The following GNG7 variants were observed in gnomAD, a reference collection of about 807,000 sequenced individuals.
GNG7 encodes G protein subunit gamma 7.
A neutral mutation model predicts 4.0 loss-of-function variants in GNG7; 1 was observed. The observed-to-expected ratio is 0.25, with a 90% confidence interval of 0.09 to 1.18. The LOEUF (loss-of-function observed/expected upper bound fraction) is 1.18, where lower values mean the gene tolerates loss of function less well. Ranked by LOEUF, GNG7 falls within the 50% of genes most tolerant of loss-of-function variation. The pLI is 0.50. For synonymous variants in GNG7, 34 were observed against 36.9 expected, an observed-to-expected ratio of 0.92 and a Z score of 0.29; for missense variants, 86 against 91.9, an observed-to-expected ratio of 0.94 and a Z score of 0.26.
chr19:2,524,218 T>A (rs1402958418), intron 3 of GNG7, among the ~76,000 whole-genome samples: 1 of 152,202 alleles, frequency 6.6e-6, no homozygotes, highest in African/African-American at 2.4e-5. Context: ...CATGTGAGCA[T>A]CAGGTCCTGA....
At chr19:2,583,509 A>G (rs1325042310) in intron 2 of GNG7, among the ~76,000 whole-genome samples, 1 of 152,184 alleles carries the variant, frequency 6.6e-6, no homozygotes, top group Non-Finnish European at 1.5e-5. Context: ...CTGTGTGGCA[A>G]GACCCCTTGT....
chr19:2,667,880 A>G (rs1326035090), intron 1 of GNG7, among the ~76,000 whole-genome samples: 1 of 152,180 alleles, frequency 6.6e-6, no homozygotes, highest in South Asian at 2.1e-4. Context: ...GCACCACTGT[A>G]CTCCAGCCTG....
intron 3 of GNG7, among the ~76,000 whole-genome samples, chr19:2,525,214 G>A (rs1404369876): frequency 6.6e-6 from 1 of 152,188 alleles, no homozygotes; most frequent in African/African-American, 2.4e-5. Flanking sequence ...GCTGTGGGAG[G>A]GGCGGGAGCA....
chr19:2,579,429 G>C (rs1024770420), intron 2 of GNG7, among the ~76,000 whole-genome samples: 1 of 152,190 alleles, frequency 6.6e-6, no homozygotes. Flanking sequence ...CCGGGCGACC[G>C]GGAAGATAGC....
intron 2 of GNG7, among the ~76,000 whole-genome samples, chr19:2,602,526 T>C (rs1981232536): frequency 6.6e-6 from 1 of 152,138 alleles, no homozygotes. Flanking sequence ...TGCCAGCTCC[T>C]CCCGAGCCTG....
At chr19:2,567,131 A>C (rs377605599) in intron 2 of GNG7, among the ~76,000 whole-genome samples, 77 of 53,216 alleles carry the variant, frequency 1.4e-3, no homozygotes, top group South Asian at 6.7e-3. Flanking sequence ...AACAAAAAAA[A>C]CAAAAAAAAA....
intron 1 of GNG7, among the ~76,000 whole-genome samples, chr19:2,696,206 GAGAGAGGGA>G (rs1373491862): frequency 1.5e-5 from 2 of 136,632 alleles, no homozygotes; most frequent in Non-Finnish European, 3.3e-5. Flanking sequence ...GGAGAGAGGG[GAGAGAGGGA>G]AGAGAGGAGA....
intron 3 of GNG7, among the ~76,000 whole-genome samples, chr19:2,548,720 C>T (rs1011514050): frequency 1.3e-5 from 2 of 151,970 alleles, no homozygotes; most frequent in Non-Finnish European, 2.9e-5. Context: ...ACCCACGTGG[C>T]GGAGGTCGCA....
At chr19:2,599,024 G>T (rs1176566138) in intron 2 of GNG7, among the ~76,000 whole-genome samples, 2 of 152,146 alleles carry the variant, frequency 1.3e-5, no homozygotes, top group Admixed American at 1.3e-4. Context: ...TGATGAAGAG[G>T]GGGAGAGGCG....
At chr19:2,651,570 TCTCTC>T (rs1982831852) in intron 1 of GNG7, among the ~76,000 whole-genome samples, 6 of 148,000 alleles carry the variant, frequency 4.1e-5, no homozygotes, top group Admixed American at 6.8e-5. Flanking sequence ...TCTCTCTCTC[TCTCTC>T]TTTTTTTTTT....
Position 2,621,341 on chromosome 19 carries a change from G to C in GNG7, c.-78+24883C>G, listed in dbSNP as rs1453129620. The stretch of plus-strand genomic sequence containing the variant: ...GGATTTCAGGGCTGCAGTGAGCTAT[G>C]ATGCTGCCACTGCACTCCAGCCTGT... On this transcript the variant is annotated intron_variant, in intron 2 of 4. Transcript: ENST00000382159. 2.0e-5 allele frequency among the ~76,000 whole-genome samples: 3 copies of C among 151,940 alleles called. No homozygotes were observed. The East Asian group carries it at 5.8e-4, about 29-fold the overall frequency.
At chr19:2,698,664 T>G (rs959591608) in intron 1 of GNG7, among the ~76,000 whole-genome samples, 2 of 152,154 alleles carry the variant, frequency 1.3e-5, no homozygotes, top group Admixed American at 6.5e-5. Context: ...ATGAAGCATC[T>G]TCAAAAATAC....
chr19:2,591,047 A>C (rs1014664337), intron 2 of GNG7, among the ~76,000 whole-genome samples: 2 of 152,228 alleles, frequency 1.3e-5, no homozygotes, highest in Non-Finnish European at 2.9e-5. Context: ...TCATTTTAAA[A>C]TGTTAATATC....
intron 2 of GNG7, among the ~76,000 whole-genome samples, chr19:2,605,740 C>A (rs949523569): frequency 6.7e-6 from 1 of 150,160 alleles, no homozygotes; most frequent in African/African-American, 2.5e-5. Context: ...TCTCGATCTC[C>A]TGACCTCGTG....
At chr19:2,612,418 AG>A (rs1486015320) in intron 2 of GNG7, among the ~76,000 whole-genome samples, 1 of 151,760 alleles carries the variant, frequency 6.6e-6, no homozygotes, top group Non-Finnish European at 1.5e-5. Context: ...CAGCCTGCAA[AG>A]AAGGTGTGTC....
chr19:2,542,615 C>T (rs148676233), intron 3 of GNG7, among the ~76,000 whole-genome samples: 113 of 152,300 alleles, frequency 7.4e-4, no homozygotes, highest in Non-Finnish European at 1.4e-3. Flanking sequence ...CAGAGGACGT[C>T]ATTGCACCAT....
chr19:2,661,273 A>AAGGAAGGAAG (rs1568277681), intron 1 of GNG7, among the ~76,000 whole-genome samples: 11 of 48,044 alleles, frequency 2.3e-4, no homozygotes, highest in African/African-American at 5.5e-4. Flanking sequence ...AAGAAAGAAA[A>AAGGAAGGAAG]GAAAGAAAGA....
Position 2,618,916 on chromosome 19 carries a change from G to A in GNG7, c.-78+27308C>T, listed in dbSNP as rs373311300. Among the ~76,000 whole-genome samples the A allele has an allele frequency of 3.9e-5, 6 of 152,104 alleles. No homozygotes were observed. In the East Asian group the frequency reaches 7.7e-4, roughly 20 times the overall value. On this transcript the variant is annotated intron_variant, in intron 2 of 4. Transcript: ENST00000382159. This position sits in a 1 kb window ranked among gnomAD's most constrained non-coding sequence, Gnocchi z 5.1. ...CCAGGAGCCCATGTGGCATCTGACCGTCCCATCTCCGTGGGTTCCTCTGGG... is the reference window on the plus strand; with the variant it reads ...CCAGGAGCCCATGTGGCATCTGACCATCCCATCTCCGTGGGTTCCTCTGGG...
intron 2 of GNG7, among the ~76,000 whole-genome samples, chr19:2,563,366 G>A (rs903054965): frequency 6.6e-6 from 1 of 152,186 alleles, no homozygotes; most frequent in Non-Finnish European, 1.5e-5. Flanking sequence ...CAGCGTCCCT[G>A]GCCTCCACCC....
Sources: allele counts gnomAD v4.1 joint callset (sites outside exome capture counted in the v4.1 genomes callset), GRCh38; gene constraint gnomAD v4.1.1; non-coding constraint Gnocchi (gnomAD v3.1); transcripts MANE v1.5; gene names NCBI Gene and HGNC (gene_info 2026-07-23, HGNC 2026-07-21).